NCKAP5: variants seen among roughly 807,000 people sequenced by gnomAD.
NCKAP5 encodes NCK associated protein 5, also known as nck-associated protein 5.
NCKAP5 carries 92 observed loss-of-function variants against 167.0 expected under a neutral mutation model. The observed-to-expected ratio is 0.55, with a 90% CI of 0.47 to 0.66. The LOEUF (loss-of-function observed/expected upper bound fraction) is 0.66, where lower values mean the gene tolerates loss of function less well. Ranked by LOEUF, NCKAP5 falls within the 30% of genes least tolerant of loss-of-function variation. NCKAP5 has a pLI of 0.00. For missense variants in NCKAP5, 2,378 were observed against 2,315.0 expected (o/e 1.03, Z -0.56); for synonymous variants, 891 against 877.4 (o/e 1.02, Z -0.27).
chr2:133,023,638 C>G (rs780214564), intron 6 of NCKAP5, among the ~76,000 whole-genome samples: 60 of 152,168 alleles, frequency 3.9e-4, no homozygotes, highest in Non-Finnish European at 6.5e-4. Flanking sequence ...TCTATTATTC[C>G]TATCTTTGTG....
At chr2:133,347,812 G>C (rs946909728) in intron 3 of NCKAP5, among the ~76,000 whole-genome samples, 1 of 152,154 alleles carries the variant, frequency 6.6e-6, no homozygotes, top group Admixed American at 6.5e-5. Context: ...CTACAAGGCT[G>C]GGCCCACAGC....
the NCKAP5 span, among the ~76,000 whole-genome samples, chr2:133,593,498 C>T: frequency 2.0e-5 from 3 of 151,972 alleles, no homozygotes; most frequent in South Asian, 2.1e-4. Context: ...GGTTTTGATA[C>T]TTTAAAATGA....
chr2:132,971,523 G>A (rs1381154192), intron 7 of NCKAP5, among the ~76,000 whole-genome samples: 2 of 152,146 alleles, frequency 1.3e-5, no homozygotes, highest in Non-Finnish European at 2.9e-5. Context: ...TCAGATTTGA[G>A]TTCTGAAATC....
At chr2:132,947,886 CG>C (rs1254012837) in intron 8 of NCKAP5, among the ~76,000 whole-genome samples, 3 of 152,130 alleles carry the variant, frequency 2.0e-5, no homozygotes, top group Non-Finnish European at 4.4e-5. Context: ...TCTTATTCTT[CG>C]GGAAGGATTA....
chr2:133,570,999 T>G (rs892365695), upstream of NCKAP5, among the ~76,000 whole-genome samples: 2 of 151,844 alleles, frequency 1.3e-5, no homozygotes, highest in Non-Finnish European at 2.9e-5. Context: ...GAGCCTATGT[T>G]TTTCTTTAGG....
intron 6 of NCKAP5, among the ~76,000 whole-genome samples, chr2:133,060,265 A>G (rs376637979): frequency 2.0e-5 from 3 of 152,182 alleles, no homozygotes; most frequent in African/African-American, 7.2e-5. Context: ...CACATACAAA[A>G]GTAGCAGGTG....
At chr2:133,170,299 G>A (rs1022528232) in intron 5 of NCKAP5, among the ~76,000 whole-genome samples, 2 of 152,186 alleles carry the variant, frequency 1.3e-5, no homozygotes, top group South Asian at 2.1e-4. Context: ...TCCTAGCTGT[G>A]GGACCTGGGC....
intron 3 of NCKAP5, chr2:133,433,820 C>T (rs1420978099): frequency 6.6e-6 from 1 of 152,110 alleles, no homozygotes; most frequent in Non-Finnish European, 1.5e-5. Context: ...TAGAATAAAA[C>T]TTTCTCAGGA....
rs76795009 is a variant in NCKAP5, at chr2:133,563,568, A to T, written c.-129-4451T>A. ...TGGTGACAGAGAAAGACTCCATAAA[A>T]AAAAAAAAAAAAAAAAAAAAAAAAA... On this transcript the variant is annotated intron_variant, in intron 1 of 19. Coordinates refer to ENST00000409261, the MANE Select transcript of NCKAP5 (RefSeq NM_207363.3). Among the ~76,000 whole-genome samples the T allele has an allele frequency of 9.6e-4, 65 of 67,918 alleles. 1 individual carries two copies. Among genetic ancestry groups the T allele is most frequent in the African/African-American group, 3.3e-3 (53 of 16,118 alleles). The allele number at this position is 67,918 out of a possible 152,430, so 44.6% of individuals were successfully genotyped here. A position where few individuals can be genotyped will look rare whatever the true frequency, so the allele number is the denominator to read the frequency against.
intron 4 of NCKAP5, among the ~76,000 whole-genome samples, chr2:133,227,621 T>C (rs1469698640): frequency 6.6e-6 from 1 of 152,152 alleles, no homozygotes; most frequent in Admixed American, 6.6e-5. Flanking sequence ...TATAAACCAT[T>C]CAACTAAATA....
intron 6 of NCKAP5, among the ~76,000 whole-genome samples, chr2:133,109,384 C>G (rs1248629575): frequency 6.6e-6 from 1 of 152,158 alleles, no homozygotes; most frequent in Non-Finnish European, 1.5e-5. Context: ...ATCAGCAACT[C>G]TCTACCACTA....
intron 6 of NCKAP5, among the ~76,000 whole-genome samples, chr2:133,046,613 A>G (rs1486724966): frequency 6.6e-6 from 1 of 152,076 alleles, no homozygotes; most frequent in Non-Finnish European, 1.5e-5. Flanking sequence ...TCCTGGGCTC[A>G]TGCAATTCTC....
At chr2:132,683,227 G>A (rs1165339865) in intron 19 of NCKAP5, among the ~76,000 whole-genome samples, 5 of 151,366 alleles carry the variant, frequency 3.3e-5, no homozygotes, top group East Asian at 3.9e-4. Flanking sequence ...CTGACATCCC[G>A]AAAGGACCAG....
chr2:133,131,982 C>T (rs563504594), intron 5 of NCKAP5, among the ~76,000 whole-genome samples: 5 of 151,194 alleles, frequency 3.3e-5, no homozygotes, highest in East Asian at 1.9e-4. Flanking sequence ...AAAAAATGTA[C>T]GCTAAATAGT....
the NCKAP5 span, among the ~76,000 whole-genome samples, chr2:133,636,366 C>T: frequency 1.3e-5 from 2 of 152,056 alleles, no homozygotes; most frequent in South Asian, 4.2e-4. Context: ...CATGCAAAAA[C>T]AGTAAGAAAA....
At chr2:133,073,267 G>A (rs1183086836) in intron 6 of NCKAP5, among the ~76,000 whole-genome samples, 14 of 151,294 alleles carry the variant, frequency 9.3e-5, no homozygotes, top group Admixed American at 7.9e-4. Context: ...TCCCTGCCAC[G>A]TACTGAGTCA....
intron 3 of NCKAP5, among the ~76,000 whole-genome samples, chr2:133,497,537 C>T (rs1299897834): frequency 6.6e-6 from 1 of 152,190 alleles, no homozygotes; most frequent in African/African-American, 2.4e-5. Flanking sequence ...TGGGAGGTAA[C>T]AGGGAGCTGA....
intron 6 of NCKAP5, among the ~76,000 whole-genome samples, chr2:133,089,661 T>C (rs961286450): frequency 6.6e-6 from 1 of 152,252 alleles, no homozygotes; most frequent in Admixed American, 6.5e-5. Flanking sequence ...CTTGTGTCTA[T>C]ACAAAAAACA....
intron 19 of NCKAP5, among the ~76,000 whole-genome samples, chr2:132,713,610 C>T (rs1297795983): frequency 1.3e-5 from 2 of 151,816 alleles, no homozygotes; most frequent in African/African-American, 4.8e-5. Context: ...CTGAATAATC[C>T]TAATAAAACT....
Sources: gnomAD v4.1 joint callset for allele counts (sites outside exome capture counted in the v4.1 genomes callset) on GRCh38, gnomAD v4.1.1 for gene constraint, MANE v1.5 for transcripts, NCBI Gene and HGNC (gene_info 2026-07-23, HGNC 2026-07-21) for gene names.